The following TBCD variants were observed in gnomAD, a reference collection of about 807,000 sequenced individuals.
TBCD encodes the protein tubulin-specific chaperone D.
TBCD carries 105 observed loss-of-function variants against 169.3 expected under a neutral mutation model. That is an observed-to-expected ratio of 0.62 (90% CI 0.53 to 0.73). The LOEUF (loss-of-function observed/expected upper bound fraction) is 0.73. TBCD is among the 30% of genes least tolerant of loss of function. The pLI is 0.00. For synonymous variants in TBCD, 700 were observed against 643.9 expected, an observed-to-expected ratio of 1.09 and a Z score of -1.32; for missense variants, 1,444 against 1,600.1, an observed-to-expected ratio of 0.90 and a Z score of 1.66.
chr17:82,851,716 T>C (rs932310517), intron 13 of TBCD, among the ~76,000 whole-genome samples: 1 of 152,184 alleles, frequency 6.6e-6, no homozygotes, highest in Non-Finnish European at 1.5e-5. Context: ...TCGAGAGGGC[T>C]GATGGGACCA....
At chr17:82,794,538 C>T (rs576550369) in intron 7 of TBCD, among the ~76,000 whole-genome samples, 30 of 152,236 alleles carry the variant, frequency 2.0e-4, no homozygotes, top group Middle Eastern at 6.8e-3. Context: ...GGCTGTGCCC[C>T]CCATTTTATG....
At position 82,903,063 on chromosome 17, in the gene TBCD, G is replaced by A. The variant is rs947151546; in HGVS notation, c.1731-342G>A. Among the ~76,000 whole-genome samples the A allele has an allele frequency of 1.3e-5, 2 of 152,164 alleles. No individual in the cohort carries two copies. Among genetic ancestry groups the A allele is most frequent in the African/African-American group, 2.4e-5 (1 of 41,432 alleles). On this transcript the variant is annotated intron_variant, in intron 18 of 38. Coordinates refer to ENST00000355528, the MANE Select transcript of TBCD (RefSeq NM_005993.5). The surrounding 1 kb of genome is among the most constrained non-coding windows in gnomAD (Gnocchi z 4.8). ...TTCCTTCTGTTCACCCCTTGTAATC[G>A]TGGAGGGGTGGTTTCACGTGGCTCT...
chr17:82,899,079 T>G (rs1008752304), intron 17 of TBCD, among the ~76,000 whole-genome samples: 1 of 152,394 alleles, frequency 6.6e-6, no homozygotes, highest in Non-Finnish European at 1.5e-5. Flanking sequence ...TCAGGTTCTT[T>G]GCTCAGCGTA....
chr17:82,855,993 C>CCTT (rs373747821), intron 13 of TBCD, among the ~76,000 whole-genome samples: 2 of 66,266 alleles, frequency 3.0e-5, no homozygotes, highest in African/African-American at 1.4e-4. Context: ...TCCCCCCCCA[C>CCTT]TTTTTTTTTT....
chr17:82,907,798 G>T lies in TBCD; in HGVS notation c.1960G>T (p.Gly654Cys). The change falls in exon 21 of 39, where the codon GGC becomes TGC. Residue 654 changes from glycine (G) to cysteine (C), a missense_variant. Gly to Cys is a radical substitution (Grantham distance 159). Coordinates refer to ENST00000355528, the MANE Select transcript of TBCD (RefSeq NM_005993.5). ...TDHLDEQAVQGLKQIHQQLYD... is the reference protein window; with the variant it reads ...TDHLDEQAVQCLKQIHQQLYD... ...CCATCTGGACGAGCAGGCAGTGCAG[G>T]GCCTGAAGCAGATTCACCAGCAGGT... The T allele has an allele frequency of 6.2e-7, 1 of 1,613,680 alleles. No homozygotes were observed. Among genetic ancestry groups the T allele is most frequent in the Non-Finnish European group, 8.5e-7 (1 of 1,179,780 alleles).
intron 13 of TBCD, among the ~76,000 whole-genome samples, chr17:82,851,575 C>CA (rs2055792130): frequency 6.6e-6 from 1 of 152,194 alleles, no homozygotes; most frequent in Non-Finnish European, 1.5e-5. Flanking sequence ...CGGCCTCAGA[C>CA]ACGTGTACAG....
At chr17:82,763,122 CTATCAGTTCCTGAAACAGGAG>C (rs2047852086) in intron 2 of TBCD, among the ~76,000 whole-genome samples, 1 of 152,154 alleles carries the variant, frequency 6.6e-6, no homozygotes, top group Non-Finnish European at 1.5e-5. Flanking sequence ...CTTACTTGTT[CTATCAGTTCCTGAAACAGGAG>C]TGTCGAAGTT....
rs370611069 is a variant in TBCD at position 82,768,436 on chromosome 17, A to G, written c.452A>G (p.Tyr151Cys). 4 of 1,613,808 alleles carry G rather than the reference A, an allele frequency of 2.5e-6. No homozygotes were observed. The highest frequency in any genetic ancestry group is 1.3e-5 in the African/African-American group (1 of 74,912). ...PKDHEAWETRYMLLLWLSVTC... is the reference protein window; with the variant it reads ...PKDHEAWETRCMLLLWLSVTC... ...ATTTTTTAGGCTTGGGAAACCCGCT[A>G]CATGCTTTTGCTCTGGCTCTCCGTG... Residue 151 changes from tyrosine (Y) to cysteine (C), a missense_variant, in exon 5 of 39, where the codon TAC (tyrosine) becomes TGC (cysteine). Physicochemically the swap from Tyr to Cys is radical, Grantham distance 194. Transcript: ENST00000355528.
intron 13 of TBCD, among the ~76,000 whole-genome samples, chr17:82,815,921 C>G (rs543422481): frequency 6.6e-6 from 1 of 152,246 alleles, no homozygotes; most frequent in Admixed American, 6.5e-5. Context: ...ATCTAATTTA[C>G]ATGCCATAAA....
chr17:82,844,642 C>T (rs1428264017), intron 13 of TBCD, among the ~76,000 whole-genome samples: 1 of 152,152 alleles, frequency 6.6e-6, no homozygotes, highest in Non-Finnish European at 1.5e-5. Context: ...GTGCTGCCTT[C>T]CCTGCCCTTC....
intron 23 of TBCD, among the ~76,000 whole-genome samples, chr17:82,919,136 G>T (rs554053435): frequency 3.9e-5 from 6 of 152,218 alleles, no homozygotes; most frequent in East Asian, 3.9e-4. Flanking sequence ...TTACGGGGGG[G>T]GCCCAGAGTC....
At chr17:82,899,722 T>C (rs917775545) in intron 17 of TBCD, among the ~76,000 whole-genome samples, 7 of 152,264 alleles carry the variant, frequency 4.6e-5, no homozygotes, top group African/African-American at 1.4e-4. Context: ...GCAAAGTGGC[T>C]GTATAATCTT....
Position 82,930,609 on chromosome 17 carries a change from C to T in TBCD, c.3079C>T (p.Leu1027=), listed in dbSNP as rs754503442. 3.6e-5 allele frequency: 58 copies of T among 1,613,878 alleles called. No homozygotes were observed. Among genetic ancestry groups the T allele is most frequent in the Non-Finnish European group, 4.7e-5 (56 of 1,179,888 alleles). Residue 1027 remains leucine (L), a synonymous_variant, in exon 33 of 39, where the codon CTG becomes TTG. Coordinates refer to ENST00000355528, the MANE Select transcript of TBCD (RefSeq NM_005993.5). This position sits in a 1 kb window ranked among gnomAD's most constrained non-coding sequence, Gnocchi z 5.2. ...QALGSFSGTL[L]QIFEDNLLNE... ...CCTGGGCAGCTTCAGCGGGACCCTT[C>T]TGCAGATCTTTGAGGACAACCTTCT...
rs557326999 is a variant in TBCD, at chr17:82,893,942, C to T, written c.1649+310C>T. ...CTTATGATTTTTCTCCTGGTCGCCC[C>T]GTTTTACCCGTGCTGGTTCTGTGTG... On this transcript the variant is annotated intron_variant, in intron 17 of 38. Coordinates refer to ENST00000355528, the MANE Select transcript of TBCD (RefSeq NM_005993.5). Among the ~76,000 whole-genome samples the T allele has an allele frequency of 2.3e-3, 347 of 152,256 alleles. 2 individuals carry two copies. Among genetic ancestry groups the T allele is most frequent in the African/African-American group, 8.3e-3 (343 of 41,554 alleles).
chr17:82,926,642 G>A (rs1050368074), intron 28 of TBCD, among the ~76,000 whole-genome samples, 151 bp downstream of exon 28: 1 of 152,216 alleles, frequency 6.6e-6, no homozygotes, highest in Non-Finnish European at 1.5e-5. Context: ...CCCAGCTGCT[G>A]GAGGCTCTTT....
At position 82,789,665 on chromosome 17, in the gene TBCD, C is replaced by T. The variant is rs1490617180; in HGVS notation, c.771+7944C>T. ...ACTGCCCACGCAGTCACCTTAGAGG[C>T]ACCTTCCCTCTAAGGCAGATGTCCC... On this transcript the variant is annotated intron_variant, in intron 7 of 38. Coordinates refer to ENST00000355528, the MANE Select transcript of TBCD (RefSeq NM_005993.5). The surrounding 1 kb of genome is among the most constrained non-coding windows in gnomAD (Gnocchi z 4.8). Among the ~76,000 whole-genome samples, 1 of 152,236 alleles carries T rather than the reference C, an allele frequency of 6.6e-6. No individual in the cohort carries two copies. The highest frequency in any genetic ancestry group is 1.5e-5 in the Non-Finnish European group (1 of 68,046).
chr17:82,877,534 G>A (rs1445302967), intron 14 of TBCD, among the ~76,000 whole-genome samples: 2 of 152,066 alleles, frequency 1.3e-5, no homozygotes, highest in Non-Finnish European at 2.9e-5. Context: ...TAGAGACAGG[G>A]TTTCACTGTG....
intron 13 of TBCD, chr17:82,830,081 T>G: frequency 1.9e-6 from 3 of 1,608,326 alleles, no homozygotes; most frequent in South Asian, 2.2e-5. Flanking sequence ...GTGTTGTAGC[T>G]TGCCACCTTG....
chr17:82,906,181 A>T lies in TBCD; in HGVS notation c.1922+128A>T, dbSNP rs1343465965. ...TTTTGTTTATCTGCACCAGTGTCACAGTCGATAGGCCCCAGGTTGTATTGA... is the reference window on the plus strand; with the variant it reads ...TTTTGTTTATCTGCACCAGTGTCACTGTCGATAGGCCCCAGGTTGTATTGA... On this transcript the variant is annotated intron_variant, in intron 20 of 38. Transcript: ENST00000355528. The T allele has an allele frequency of 1.1e-5, 8 of 715,374 alleles. No homozygotes were observed. The Admixed American group carries it at 1.9e-4, about 17-fold the overall frequency. The allele number at this position is 715,374 out of a possible 1,614,324, so 44.3% of individuals were successfully genotyped here. A position where few individuals can be genotyped will look rare whatever the true frequency, so the allele number is the denominator to read the frequency against.
Sources: gnomAD v4.1 joint callset for allele counts (sites outside exome capture counted in the v4.1 genomes callset) on GRCh38, gnomAD v4.1.1 for gene constraint, Gnocchi (gnomAD v3.1) non-coding constraint, MANE v1.5 for transcripts, NCBI Gene and HGNC (gene_info 2026-07-23, HGNC 2026-07-21) for gene names.